The following COPB1 variants were observed in gnomAD, a reference collection of about 807,000 sequenced individuals.
COPB1 encodes coat protein complex I subunit beta 1, also known as coatomer subunit beta.
In COPB1, 21 loss-of-function variants were observed where a neutral mutation model predicts 108.7. The observed-to-expected ratio is 0.19, with a 90% CI of 0.14 to 0.28. The LOEUF (loss-of-function observed/expected upper bound fraction) is 0.28, where lower values mean the gene tolerates loss of function less well. Ranked by LOEUF, COPB1 falls within the 10% of genes least tolerant of loss-of-function variation. The probability of loss-of-function intolerance (pLI) is 1.00; values close to 1 mark genes in which losing one functional copy is unlikely to be tolerated. For synonymous variants in COPB1, 378 were observed against 386.8 expected (o/e 0.98, Z 0.27); for missense variants, 919 against 1,141.3 (o/e 0.81, Z 2.81).
chr11:14,473,347 AC>A (rs936391803), intron 14 of COPB1, among the ~76,000 whole-genome samples: 1 of 152,128 alleles, frequency 6.6e-6, no homozygotes, highest in Non-Finnish European at 1.5e-5. Flanking sequence ...TGCATGCATA[AC>A]TTGGCTACCT....
intron 20 of COPB1, among the ~76,000 whole-genome samples, chr11:14,459,482 T>G (rs1334815123): frequency 6.6e-6 from 1 of 152,196 alleles, no homozygotes; most frequent in Non-Finnish European, 1.5e-5. Flanking sequence ...TCTCGTTTTT[T>G]TCATACATAC....
At chr11:14,461,474 A>G in intron 18 of COPB1, 143 bp from the exon 19 acceptor site, 1 of 761,322 alleles carries the variant, frequency 1.3e-6, no homozygotes. Flanking sequence ...GCTCTATTCT[A>G]CATGCTTTAT....
At chr11:14,497,151 C>A (rs984619212) in intron 2 of COPB1, among the ~76,000 whole-genome samples, 1 of 151,784 alleles carries the variant, frequency 6.6e-6, no homozygotes, top group African/African-American at 2.4e-5. Context: ...TGAATAATAC[C>A]CCACAGGCAC....
chr11:14,478,376 AC>A (rs1850575316), intron 11 of COPB1, among the ~76,000 whole-genome samples: 1 of 151,114 alleles, frequency 6.6e-6, no homozygotes, highest in South Asian at 2.1e-4. Context: ...GGAGTTCGAG[AC>A]CAGCCTGGGC....
rs554678937 is a variant in COPB1 at position 14,458,918 on chromosome 11, C to T, written c.2647-231G>A. On this transcript the variant is annotated intron_variant, in intron 20 of 21. Transcript: ENST00000439561. ...AAGTAGCTGGGATTACAGGCATTCG[C>T]CACCACACCTGGCTAATTTTTGTAA... Among the ~76,000 whole-genome samples, 10 of 152,226 alleles carry T rather than the reference C, an allele frequency of 6.6e-5. No homozygotes were observed. In the South Asian group the frequency reaches 1.9e-3, roughly 28 times the overall value.
intron 7 of COPB1, among the ~76,000 whole-genome samples, chr11:14,483,615 G>A (rs1286993720): frequency 1.3e-5 from 2 of 152,068 alleles, no homozygotes; most frequent in African/African-American, 4.8e-5. Context: ...AAATATTTTA[G>A]TATTTATAAT....
At chr11:14,465,062 T>TAC (rs3835110) in intron 17 of COPB1, 32 bp from the exon 18 acceptor site, 17,522 of 1,107,308 alleles carry the variant, frequency 0.016, 139 homozygotes, top group East Asian at 0.033. Context: ...TGGTTAAAAA[T>TAC]ACACACACAC....
At chr11:14,474,696 T>C in intron 13 of COPB1, 81 bp from the exon 14 acceptor site, 1 of 1,549,172 alleles carries the variant, frequency 6.5e-7, no homozygotes, top group Non-Finnish European at 8.7e-7. Flanking sequence ...GATATAGGCC[T>C]ATTAAACACT....
At chr11:14,476,235 T>C (rs1361647875) in intron 12 of COPB1, among the ~76,000 whole-genome samples, 1 of 152,190 alleles carries the variant, frequency 6.6e-6, no homozygotes, top group African/African-American at 2.4e-5. Flanking sequence ...TTTTACCTAA[T>C]AGAAAAATGC....
At chr11:14,485,381 G>C (rs1245165267) in intron 7 of COPB1, among the ~76,000 whole-genome samples, 1 of 151,850 alleles carries the variant, frequency 6.6e-6, no homozygotes, top group Non-Finnish European at 1.5e-5. Flanking sequence ...TGCCCAGGCT[G>C]GTCTCAAACT....
chr11:14,488,719 A>G (rs2134122747), intron 5 of COPB1, 135 bp from the exon 6 acceptor site: 2 of 429,596 alleles, frequency 4.7e-6, no homozygotes, highest in South Asian at 1.4e-4. Flanking sequence ...ATTAACTGGG[A>G]AAAAAATCAA....
chr11:14,493,529 T>C, intron 4 of COPB1, 113 bp downstream of exon 4: 1 of 875,882 alleles, frequency 1.1e-6, no homozygotes, highest in Non-Finnish European at 1.7e-6. Flanking sequence ...GTGCTGGCCA[T>C]ACAAAATATA....
chr11:14,469,278 T>G, intron 15 of COPB1, 58 bp downstream of exon 15: 4 of 1,399,622 alleles, frequency 2.9e-6, no homozygotes, highest in African/African-American at 2.8e-5. Context: ...ATTACAGGCG[T>G]GAGCCACTGC....
In COPB1 at chr11:14,468,693, A is replaced by C; in HGVS notation, c.2133T>G (p.Ser711=). 6.2e-7 allele frequency: 1 copy of C among 1,613,974 alleles called. No individual in the cohort carries two copies. The highest frequency in any genetic ancestry group is 8.5e-7 in the Non-Finnish European group (1 of 1,179,942). ...QRKEAADPLA[S]KLNKVTQLTG... is the part of the protein sequence containing the mutation. ...GACATTTTGTTACCTTGTTAAGTTT[A>C]GATGCTAGGGGATCTGCTGCCTCTT... is the stretch of plus-strand genomic sequence containing the variant. Residue 711 remains serine, a synonymous_variant, in exon 16 of 22, where the codon TCT becomes TCG. Coordinates refer to ENST00000439561, the MANE Select transcript of COPB1 (RefSeq NM_001144061.2).
At chr11:14,468,655 T>G (rs780623677) in intron 16 of COPB1, 26 bp downstream of exon 16, 2 of 1,604,174 alleles carry the variant, frequency 1.2e-6, no homozygotes, top group African/African-American at 1.3e-5. Context: ...TTTAAATAAT[T>G]TAGAGTCTAT....
At chr11:14,471,497 TAAATGCCCACAAAAGAGTTACA>T (rs1850401290) in intron 14 of COPB1, among the ~76,000 whole-genome samples, 1 of 152,150 alleles carries the variant, frequency 6.6e-6, no homozygotes, top group Admixed American at 6.5e-5. Flanking sequence ...CCTGAATAAA[TAAATGCCCACAAAAGAGTTACA>T]AAATAAATTA....
chr11:14,491,250 G>A (rs1850895508), intron 4 of COPB1, among the ~76,000 whole-genome samples: 1 of 152,056 alleles, frequency 6.6e-6, no homozygotes, highest in Admixed American at 6.5e-5. Flanking sequence ...ATTTTGCCAC[G>A]TTGGCCAGGC....
intron 11 of COPB1, 109 bp from the exon 12 acceptor site, chr11:14,477,124 C>A: frequency 1.3e-6 from 1 of 764,944 alleles, no homozygotes; most frequent in Non-Finnish European, 2.2e-6. Flanking sequence ...GCACTCACGC[C>A]TGTAATCCCA....
chr11:14,486,559 T>C, intron 6 of COPB1, 55 bp from the exon 7 acceptor site: 2 of 1,596,066 alleles, frequency 1.3e-6, no homozygotes, highest in South Asian at 1.1e-5. Context: ...TGTTTTCAAA[T>C]GGAGTTTTTT....
Sources: gnomAD v4.1 joint callset for allele counts (sites outside exome capture counted in the v4.1 genomes callset) on GRCh38, gnomAD v4.1.1 for gene constraint, MANE v1.5 for transcripts, NCBI Gene and HGNC (gene_info 2026-07-23, HGNC 2026-07-21) for gene names.